The following KDM1A variants were observed in gnomAD, a reference collection of about 807,000 sequenced individuals.
The protein encoded by KDM1A is lysine demethylase 1A.
Under a neutral mutation model 109.4 loss-of-function variants are expected in KDM1A, and 49 were observed. The ratio of observed to expected loss-of-function variants is 0.45; its 90% CI spans 0.36 to 0.57. KDM1A has a LOEUF of 0.57. KDM1A is among the 20% of genes least tolerant of loss of function. The pLI is 0.00. For synonymous variants in KDM1A, 380 were observed against 415.4 expected, an observed-to-expected ratio of 0.91 and a Z score of 1.04; for missense variants, 668 against 1,116.6, an observed-to-expected ratio of 0.60 and a Z score of 5.73.
chr1:23,056,343 C>G (rs72875371), intron 7 of KDM1A, among the ~76,000 whole-genome samples: 1,722 of 151,882 alleles, frequency 0.011, 45 homozygotes, highest in African/African-American at 0.039. Flanking sequence ...TGTTAGGAGG[C>G]AGTTATTTTT....
At chr1:23,081,356 A>G in intron 18 of KDM1A, 90 bp from the exon 19 acceptor site, 1 of 1,446,284 alleles carries the variant, frequency 6.9e-7, no homozygotes, top group Non-Finnish European at 9.6e-7. Flanking sequence ...ATCAGATTTC[A>G]GAGCACCAGG....
chr1:23,077,345 C>T lies in KDM1A; in HGVS notation c.1852C>T (p.Arg618Cys), dbSNP rs376573463. 1.9e-6 allele frequency: 3 copies of T among 1,612,494 alleles called. No individual in the cohort carries two copies. The highest frequency in any genetic ancestry group is 2.5e-6 in the Non-Finnish European group (3 of 1,178,986). Reference sequence around the variant, plus strand: ...ACTGAATACAGCAGTGCGACAGGTTCGCTACACGGCTTCAGGTATGTCACT... The same window carrying T: ...ACTGAATACAGCAGTGCGACAGGTTTGCTACACGGCTTCAGGTATGTCACT... ...IKLNTAVRQV[R>C]YTASGCEVIA... The change falls in exon 16 of 21, where the codon CGC becomes TGC. Residue 618 changes from arginine to cysteine, a missense_variant. Physicochemically the swap from Arg to Cys is radical, Grantham distance 180. Transcript: ENST00000400181.
chr1:23,052,634 A>G (rs944579197), intron 4 of KDM1A, among the ~76,000 whole-genome samples: 1 of 152,172 alleles, frequency 6.6e-6, no homozygotes, highest in Non-Finnish European at 1.5e-5. Context: ...TGATTGTACC[A>G]TATGTTTTTT....
At chr1:23,056,087 T>C (rs1439956210) in intron 7 of KDM1A, 49 bp downstream of exon 7, 1 of 1,214,368 alleles carries the variant, frequency 8.2e-7, no homozygotes, top group African/African-American at 1.5e-5. Flanking sequence ...GGAAATATGG[T>C]AAGCAAATTA....
chr1:23,069,243 C>A, intron 12 of KDM1A, 92 bp downstream of exon 12: 1 of 738,494 alleles, frequency 1.4e-6, no homozygotes, highest in Non-Finnish European at 2.2e-6. Flanking sequence ...ATTTTTTCCT[C>A]CATGGAAGAG....
intron 1 of KDM1A, among the ~76,000 whole-genome samples, chr1:23,027,504 C>G (rs1264116400): frequency 4.9e-5 from 7 of 143,414 alleles, no homozygotes; most frequent in Non-Finnish European, 1.1e-4. Flanking sequence ...AGCCTTGACC[C>G]CCCCCCGCCC....
intron 9 of KDM1A, among the ~76,000 whole-genome samples, chr1:23,061,735 C>T (rs560828794): frequency 6.6e-6 from 1 of 151,510 alleles, no homozygotes; most frequent in East Asian, 1.9e-4. Context: ...TGACTCACTG[C>T]AACCTCTGCC....
At position 23,083,476 on chromosome 1, in the gene KDM1A, C is replaced by G; in HGVS notation, c.*112C>G. On this transcript the variant is annotated 3_prime_UTR_variant, in exon 21 of 21. Coordinates refer to ENST00000400181, the MANE Select transcript of KDM1A (RefSeq NM_001009999.3). ...AAAATCCACCCTGGCATCTGGGCTCCTGATCAGCTGATGGAGCTCCTGATT... is the reference window on the plus strand; with the variant it reads ...AAAATCCACCCTGGCATCTGGGCTCGTGATCAGCTGATGGAGCTCCTGATT... 2 of 1,023,486 alleles carry G rather than the reference C, an allele frequency of 2.0e-6. No individual in the cohort carries two copies. Among genetic ancestry groups the G allele is most frequent in the Non-Finnish European group, 2.7e-6 (2 of 728,150 alleles). 63.4% of individuals were successfully genotyped at this position (1,023,486 alleles called of 1,614,324 possible).
chr1:23,055,906 TC>T (rs1285331057), intron 6 of KDM1A, 25 bp from the exon 7 acceptor site: 3 of 1,509,398 alleles, frequency 2.0e-6, no homozygotes, highest in Non-Finnish European at 2.7e-6. Context: ...TAAAACAAAA[TC>T]TTTTTTTTCA....
chr1:23,059,461 C>A, intron 9 of KDM1A: 1 of 414,536 alleles, frequency 2.4e-6, no homozygotes, highest in East Asian at 6.2e-5. Flanking sequence ...CCACTTACTC[C>A]AAGGGACTTA....
chr1:23,057,429 C>A, intron 7 of KDM1A, 55 bp from the exon 8 acceptor site: 2 of 1,323,178 alleles, frequency 1.5e-6, no homozygotes, highest in Non-Finnish European at 2.2e-6. Context: ...GGTACTATGC[C>A]AGGTTTGTGG....
At chr1:23,082,836 C>A in intron 20 of KDM1A, 1 of 217,786 alleles carries the variant, frequency 4.6e-6, no homozygotes, top group Non-Finnish European at 9.3e-6. Context: ...TTAAGTGTCC[C>A]TGATCACCAA....
chr1:23,019,974 A>G (rs1641568076), intron 1 of KDM1A, 27 bp downstream of exon 1: 1 of 1,478,920 alleles, frequency 6.8e-7, no homozygotes, highest in Admixed American at 2.5e-5. Context: ...CCCTCAAACG[A>G]CACCGCCTGG....
intron 15 of KDM1A, among the ~76,000 whole-genome samples, chr1:23,074,621 C>A (rs1235306409): frequency 6.6e-6 from 1 of 152,094 alleles, no homozygotes; most frequent in Non-Finnish European, 1.5e-5. Flanking sequence ...TGAAAAGAAT[C>A]TTTGTCTTAC....
chr1:23,069,259 C>G, intron 12 of KDM1A, 108 bp downstream of exon 12: 2 of 636,938 alleles, frequency 3.1e-6, no homozygotes, highest in Non-Finnish European at 5.5e-6. Context: ...AAGAGAAAGT[C>G]TGCACAGCTG....
chr1:23,024,077 G>T (rs1036585095), intron 1 of KDM1A, among the ~76,000 whole-genome samples: 4 of 151,990 alleles, frequency 2.6e-5, no homozygotes, highest in Non-Finnish European at 5.9e-5. Context: ...TCGAACTTCT[G>T]GGCTCAATCA....
rs1030245560 is a variant in KDM1A at position 23,030,653 on chromosome 1, C to G, written c.517+19C>G. ...CCATCGGGTGAGTTGTAGTATCCAA[C>G]CACAGTTCTGTTTTATCTTAGAAAT... On this transcript the variant is annotated intron_variant, in intron 2 of 20. Transcript: ENST00000400181. 7 of 1,509,194 alleles carry G rather than the reference C, an allele frequency of 4.6e-6. No individual in the cohort carries two copies. In the African/African-American group the frequency reaches 9.9e-5, roughly 21 times the overall value. 93.5% of individuals were successfully genotyped at this position (1,509,194 alleles called of 1,614,324 possible). A position where few individuals can be genotyped will look rare whatever the true frequency, so the allele number is the denominator to read the frequency against.
At chr1:23,082,102 A>T in intron 19 of KDM1A, 118 bp from the exon 20 acceptor site, 1 of 1,052,082 alleles carries the variant, frequency 9.5e-7, no homozygotes, top group Non-Finnish European at 1.4e-6. Context: ...ACTGGCTCTC[A>T]CATGTTGCCC....
At chr1:23,051,483 A>G (rs1207172087) in intron 4 of KDM1A, among the ~76,000 whole-genome samples, 1 of 152,174 alleles carries the variant, frequency 6.6e-6, no homozygotes, top group East Asian at 1.9e-4. Context: ...TGCCCTGCCC[A>G]TTTTTATTAA....
Sources: gnomAD v4.1 joint callset for allele counts (sites outside exome capture counted in the v4.1 genomes callset) on GRCh38, gnomAD v4.1.1 for gene constraint, MANE v1.5 for transcripts, NCBI Gene and HGNC (gene_info 2026-07-23, HGNC 2026-07-21) for gene names.